CNR2: variants seen among roughly 807,000 people sequenced by gnomAD.
CNR2 encodes the protein cannabinoid receptor 2, also known as cannabinoid receptor 2 (macrophage).
For missense variants in CNR2, 379 were observed against 439.9 expected, an observed-to-expected ratio of 0.86 and a Z score of 1.24; for synonymous variants, 172 against 182.2, an observed-to-expected ratio of 0.94 and a Z score of 0.45.
At chr1:23,891,903 T>C (rs1250205834) in intron 1 of CNR2, among the ~76,000 whole-genome samples, 1 of 152,130 alleles carries the variant, frequency 6.6e-6, no homozygotes, top group African/African-American at 2.4e-5. Flanking sequence ...AGTAGACTCT[T>C]GGTGGAGGTC....
intron 1 of CNR2, among the ~76,000 whole-genome samples, chr1:23,884,238 C>T (rs1195160053): frequency 6.6e-6 from 1 of 150,512 alleles, no homozygotes; most frequent in Admixed American, 6.7e-5. Context: ...TGCCACCATG[C>T]CTGGCTAATT....
At position 23,871,022 on chromosome 1, in the gene CNR2, G is replaced by A. The variant is rs2503001; in HGVS notation, c.*3513C>T. On this transcript the variant is annotated 3_prime_UTR_variant, in exon 2 of 2. Transcript: ENST00000374472. ...ACAAAAATTAGCTGGGCATGGTGGC[G>A]GGTACCTGTAATCCCAGCTACATGG... The A allele has an allele frequency of 0.63, 96,242 of 151,726 alleles. 30,924 individuals are homozygous for A. Among genetic ancestry groups the A allele is most frequent in the African/African-American group, 0.76 (31,297 of 41,358 alleles). The allele number at this position is 151,726 out of a possible 1,614,324, so 9.4% of individuals were successfully genotyped here.
chr1:23,878,658 C>T (rs982058135), intron 1 of CNR2, among the ~76,000 whole-genome samples: 26 of 152,152 alleles, frequency 1.7e-4, no homozygotes, highest in Admixed American at 7.2e-4. Context: ...GGATTATAGG[C>T]GTGAGCCACC....
chr1:23,875,111 G>T lies in CNR2; in HGVS notation c.507C>A (p.Leu169=). 6.2e-7 allele frequency: 1 copy of T among 1,603,960 alleles called. No individual in the cohort carries two copies. The highest frequency in any genetic ancestry group is 8.5e-7 in the Non-Finnish European group (1 of 1,174,402). Residue 169 remains leucine, a synonymous_variant, in exon 2 of 2, where the codon CTC becomes CTA. Coordinates refer to ENST00000374472, the MANE Select transcript of CNR2 (RefSeq NM_001841.3). ...VLSALVSYLP[L]MGWTCCPRPC... ...GCCTGGGACAGCAAGTCCATCCCAT[G>T]AGGGGCAGGTAGGAGACTAGTGCTG...
intron 1 of CNR2, among the ~76,000 whole-genome samples, chr1:23,911,315 C>G (rs1281415495): frequency 6.6e-6 from 1 of 152,034 alleles, no homozygotes; most frequent in African/African-American, 2.4e-5. Flanking sequence ...GGTGATATAT[C>G]CTGGATGTCA....
intron 1 of CNR2, among the ~76,000 whole-genome samples, chr1:23,898,878 C>T (rs993858005): frequency 3.3e-5 from 5 of 151,832 alleles, no homozygotes; most frequent in African/African-American, 1.2e-4. Context: ...GTCTCCAACT[C>T]CTGACCTCAG....
At chr1:23,881,378 C>T (rs1639985251) in intron 1 of CNR2, among the ~76,000 whole-genome samples, 1 of 151,954 alleles carries the variant, frequency 6.6e-6, no homozygotes, top group Admixed American at 6.6e-5. Context: ...GGGCAGATCA[C>T]ATGAGGCCAG....
At chr1:23,877,104 T>C (rs1459252550) in intron 1 of CNR2, among the ~76,000 whole-genome samples, 1 of 152,014 alleles carries the variant, frequency 6.6e-6, no homozygotes, top group African/African-American at 2.4e-5. Flanking sequence ...CGTCAGACAG[T>C]AGAATTCCAC....
intron 1 of CNR2, among the ~76,000 whole-genome samples, chr1:23,900,787 T>G (rs1640385857): frequency 6.6e-6 from 1 of 152,166 alleles, no homozygotes; most frequent in South Asian, 2.1e-4. Flanking sequence ...ATTACAGGCA[T>G]GTGCCACCGT....
chr1:23,898,177 C>T (rs905783909), intron 1 of CNR2, among the ~76,000 whole-genome samples: 7 of 151,432 alleles, frequency 4.6e-5, no homozygotes, highest in African/African-American at 1.7e-4. Flanking sequence ...CAGGCACCCG[C>T]CACCATGCCT....
intron 1 of CNR2, among the ~76,000 whole-genome samples, chr1:23,903,808 A>G (rs902436872): frequency 2.0e-5 from 3 of 152,104 alleles, no homozygotes; most frequent in African/African-American, 7.2e-5. Flanking sequence ...GGGTGGTCCT[A>G]TTATCATCAT....
At chr1:23,885,964 C>T (rs1640082313) in intron 1 of CNR2, among the ~76,000 whole-genome samples, 1 of 151,508 alleles carries the variant, frequency 6.6e-6, no homozygotes, top group South Asian at 2.1e-4. Context: ...CCAAGGCAGG[C>T]AGATCACAAG....
chr1:23,886,307 T>C (rs2148462705), intron 1 of CNR2, among the ~76,000 whole-genome samples: 1 of 152,288 alleles, frequency 6.6e-6, no homozygotes, highest in East Asian at 1.9e-4. Context: ...TCTTGCAATC[T>C]GCATAACCCC....
intron 1 of CNR2, among the ~76,000 whole-genome samples, chr1:23,909,562 A>T (rs903893948): frequency 2.6e-5 from 4 of 152,182 alleles, no homozygotes; most frequent in Non-Finnish European, 5.9e-5. Flanking sequence ...GTCAGAGATC[A>T]TCATGGAAAC....
At chr1:23,912,791 G>C (rs1448872851) in intron 1 of CNR2, among the ~76,000 whole-genome samples, 1 of 152,142 alleles carries the variant, frequency 6.6e-6, no homozygotes, top group Non-Finnish European at 1.5e-5. Flanking sequence ...ACAACCCCAG[G>C]TGTCCTGAAA....
intron 1 of CNR2, among the ~76,000 whole-genome samples, chr1:23,901,158 A>G (rs537846609): frequency 6.6e-6 from 1 of 152,252 alleles, no homozygotes; most frequent in East Asian, 1.9e-4. Context: ...AGTATCCAAG[A>G]GGGTGGCAGG....
At chr1:23,901,829 C>T in intron 1 of CNR2, 1 of 1,607,306 alleles carries the variant, frequency 6.2e-7, no homozygotes, top group South Asian at 1.1e-5. Flanking sequence ...AATAAATACC[C>T]TTCTGTCCAC....
chr1:23,889,722 A>G (rs990458219), intron 1 of CNR2, among the ~76,000 whole-genome samples: 2 of 152,194 alleles, frequency 1.3e-5, no homozygotes, highest in Non-Finnish European at 2.9e-5. Flanking sequence ...TCACAATGTC[A>G]CAGGTTTGGG....
chr1:23,902,172 C>A (rs1233324160), intron 1 of CNR2: 1 of 1,402,730 alleles, frequency 7.1e-7, no homozygotes, highest in African/African-American at 1.4e-5. Flanking sequence ...CTGCCTTGGC[C>A]CAGTTCAGGA....
Sources: gnomAD v4.1 joint callset for allele counts (sites outside exome capture counted in the v4.1 genomes callset) on GRCh38, gnomAD v4.1.1 for gene constraint, MANE v1.5 for transcripts, NCBI Gene and HGNC (gene_info 2026-07-23, HGNC 2026-07-21) for gene names.